CSMD1: variants seen among roughly 807,000 people sequenced by gnomAD.
The protein encoded by CSMD1 is CUB and Sushi multiple domains 1.
In CSMD1, 213 loss-of-function variants were observed where a neutral mutation model predicts 417.5. That is an observed-to-expected ratio of 0.51 (90% CI 0.46 to 0.57). The LOEUF is 0.57. Ranked by LOEUF, CSMD1 falls within the 20% of genes least tolerant of loss-of-function variation. The pLI is 0.00. For synonymous variants in CSMD1, 2,862 were observed against 1,736.8 expected (o/e 1.65, Z -16.11); for missense variants, 6,923 against 4,529.7 (o/e 1.53, Z -15.17).
chr8:4,932,940 A>G (rs1440246021), intron 1 of CSMD1, among the ~76,000 whole-genome samples: 1 of 152,222 alleles, frequency 6.6e-6, no homozygotes, highest in Non-Finnish European at 1.5e-5. Flanking sequence ...TTATAGGTAC[A>G]TAACATGTAT....
intron 2 of CSMD1, among the ~76,000 whole-genome samples, chr8:4,512,431 A>G (rs1308291850): frequency 6.6e-6 from 1 of 152,210 alleles, no homozygotes. Context: ...AGCTAATGCA[A>G]TAAAGCAAGT....
chr8:4,406,204 C>G (rs1001822333), intron 3 of CSMD1, among the ~76,000 whole-genome samples: 3 of 152,176 alleles, frequency 2.0e-5, no homozygotes, highest in Admixed American at 2.0e-4. Flanking sequence ...GCACCGCATT[C>G]TACTGTAATG....
chr8:4,123,602 T>C (rs1802604278), intron 3 of CSMD1, among the ~76,000 whole-genome samples: 1 of 152,216 alleles, frequency 6.6e-6, no homozygotes. Flanking sequence ...TTTTATCACT[T>C]TTGAAAAAAA....
chr8:3,926,885 T>G (rs7842633), intron 5 of CSMD1, among the ~76,000 whole-genome samples: 17,171 of 151,664 alleles, frequency 0.11, 1,685 homozygotes, highest in African/African-American at 0.26. Context: ...CCAGCTAAGT[T>G]TTGTATTTTT....
chr8:3,873,086 C>T (rs1013402684), intron 5 of CSMD1, among the ~76,000 whole-genome samples: 1 of 152,030 alleles, frequency 6.6e-6, no homozygotes, highest in African/African-American at 2.4e-5. Flanking sequence ...TAAAATGGAA[C>T]ATGTATACAC....
intron 5 of CSMD1, among the ~76,000 whole-genome samples, chr8:3,958,522 C>T (rs1184079460): frequency 6.6e-6 from 1 of 152,090 alleles, no homozygotes; most frequent in Admixed American, 6.6e-5. Flanking sequence ...ATGCATTCTT[C>T]TGGGTTTAGT....
At chr8:3,361,093 A>C (rs566617375) in intron 20 of CSMD1, among the ~76,000 whole-genome samples, 1 of 152,316 alleles carries the variant, frequency 6.6e-6, no homozygotes, top group East Asian at 1.9e-4. Context: ...AGATATACTT[A>C]TTAATTTGAC....
At chr8:4,164,742 A>C (rs897736498) in intron 3 of CSMD1, among the ~76,000 whole-genome samples, 5 of 152,078 alleles carry the variant, frequency 3.3e-5, no homozygotes, top group African/African-American at 1.2e-4. Flanking sequence ...TAAAAAATAC[A>C]GTTTGTGCCT....
chr8:3,378,105 T>C (rs752182577), intron 18 of CSMD1, among the ~76,000 whole-genome samples: 47 of 152,204 alleles, frequency 3.1e-4, no homozygotes, highest in Non-Finnish European at 4.6e-4. Flanking sequence ...ATGTGTTTGA[T>C]TGTTGGTAAG....
At chr8:4,586,153 T>G (rs1256312452) in intron 2 of CSMD1, among the ~76,000 whole-genome samples, 2 of 152,206 alleles carry the variant, frequency 1.3e-5, no homozygotes, top group Non-Finnish European at 2.9e-5. Context: ...CATTTCTTTG[T>G]GTTTAAAAAC....
At chr8:4,801,611 C>T (rs994570235) in intron 1 of CSMD1, among the ~76,000 whole-genome samples, 4 of 152,230 alleles carry the variant, frequency 2.6e-5, no homozygotes, top group African/African-American at 7.2e-5. Flanking sequence ...CTCTATGCCG[C>T]TTTGACACAC....
chr8:3,111,732 T>C (rs1048675434), intron 42 of CSMD1, among the ~76,000 whole-genome samples: 10 of 151,990 alleles, frequency 6.6e-5, no homozygotes, highest in African/African-American at 2.2e-4. Context: ...CTTGGGGGGT[T>C]GAGGCAGGAG....
intron 3 of CSMD1, among the ~76,000 whole-genome samples, chr8:4,393,953 T>C (rs1190413440): frequency 6.6e-6 from 1 of 152,188 alleles, no homozygotes; most frequent in African/African-American, 2.4e-5. Context: ...GTTTCAGGTA[T>C]TAACGCAGAA....
At chr8:3,389,315 T>C (rs1290864481) in intron 17 of CSMD1, among the ~76,000 whole-genome samples, 1 of 152,130 alleles carries the variant, frequency 6.6e-6, no homozygotes, top group Non-Finnish European at 1.5e-5. Context: ...TCCCTCTATG[T>C]GTCCATGTGT....
chr8:3,435,317 G>C (rs1472804954), intron 12 of CSMD1, among the ~76,000 whole-genome samples: 3 of 152,110 alleles, frequency 2.0e-5, no homozygotes, highest in Non-Finnish European at 4.4e-5. Flanking sequence ...ATGAAGCATG[G>C]GGCAGAGGGG....
At chr8:3,904,401 G>C (rs1054209654) in intron 5 of CSMD1, among the ~76,000 whole-genome samples, 1 of 152,162 alleles carries the variant, frequency 6.6e-6, no homozygotes, top group South Asian at 2.1e-4. Context: ...TTATTGCAAT[G>C]GACCTATGTT....
intron 2 of CSMD1, among the ~76,000 whole-genome samples, chr8:4,493,296 AAG>A (rs997223573): frequency 1.3e-3 from 201 of 152,160 alleles, no homozygotes; most frequent in African/African-American, 4.6e-3. Flanking sequence ...TTAAAATCCT[AAG>A]AGAGAGAGAG....
At chr8:4,943,129 G>T (rs746999883) in intron 1 of CSMD1, among the ~76,000 whole-genome samples, 4 of 152,142 alleles carry the variant, frequency 2.6e-5, no homozygotes, top group Non-Finnish European at 5.9e-5. Flanking sequence ...ATTAGTGGAG[G>T]ATTAATTTCA....
At chr8:4,196,673 C>T (rs1377894170) in intron 3 of CSMD1, among the ~76,000 whole-genome samples, 1 of 152,194 alleles carries the variant, frequency 6.6e-6, no homozygotes, top group Admixed American at 6.5e-5. Context: ...TCTTCTGCCT[C>T]TTTCTACTGC....
Sources: allele counts gnomAD v4.1 joint callset (sites outside exome capture counted in the v4.1 genomes callset), GRCh38; gene constraint gnomAD v4.1.1; transcripts MANE v1.5; gene names NCBI Gene and HGNC (gene_info 2026-07-23, HGNC 2026-07-21).